The following NOTCH2 variants were observed in gnomAD, a reference collection of about 807,000 sequenced individuals.
NOTCH2 encodes the protein notch receptor 2.
A neutral mutation model predicts 235.8 loss-of-function variants in NOTCH2; 29 were observed. The observed-to-expected ratio is 0.12, with a 90% CI of 0.09 to 0.17. NOTCH2 has a LOEUF of 0.17. Among genes scored for constraint, NOTCH2 ranks in the 10% least tolerant of loss-of-function variants. NOTCH2 has a pLI of 1.00. For missense variants in NOTCH2, 2,285 were observed against 3,150.2 expected (o/e 0.73, Z 6.57); for synonymous variants, 1,086 against 1,141.5 (o/e 0.95, Z 0.98).
At position 119,918,603 on chromosome 1, in the gene NOTCH2, T is replaced by C. The variant is rs939265122; in HGVS notation, c.5782-50A>G. ...AGAGAGTCACCTGGATGAAGGAAAA[T>C]AATGAAACTCAGTGAAGAAACAAGG... is the stretch of plus-strand genomic sequence containing the variant. On this transcript the variant is annotated intron_variant, in intron 31 of 33. Transcript: ENST00000256646. 6 of 1,595,518 alleles carry C rather than the reference T, an allele frequency of 3.8e-6. No homozygotes were observed. The Admixed American group carries it at 1.0e-4, about 27-fold the overall frequency.
At chr1:119,982,036 C>G (rs1553201713) in intron 5 of NOTCH2, among the ~76,000 whole-genome samples, 3 of 152,064 alleles carry the variant, frequency 2.0e-5, no homozygotes, top group Non-Finnish European at 4.4e-5. Flanking sequence ...ACAGGAAGAT[C>G]TAGCTCAAAA....
chr1:119,923,891 A>C lies in NOTCH2; in HGVS notation c.4605T>G (p.Ala1535=). 1 of 1,614,226 alleles carries C rather than the reference A, an allele frequency of 6.2e-7. No individual in the cohort carries two copies. The highest frequency in any genetic ancestry group is 8.5e-7 in the Non-Finnish European group (1 of 1,180,050). Residue 1535 remains alanine (A), a synonymous_variant, in exon 26 of 34, where the codon GCT becomes GCG. Coordinates refer to ENST00000256646, the MANE Select transcript of NOTCH2 (RefSeq NM_024408.4). The part of the protein sequence containing the change: ...EECGWDGLDC[A]ADQPENLAEG... The stretch of plus-strand genomic sequence containing the variant: ...CTGCCAGGTTCTCAGGTTGGTCAGC[A>C]GCACAGTCCAGCCCATCCCAACCAC...
At chr1:119,932,175 G>A (rs1446135455) in intron 22 of NOTCH2, among the ~76,000 whole-genome samples, 1 of 152,026 alleles carries the variant, frequency 6.6e-6, no homozygotes, top group Non-Finnish European at 1.5e-5. Flanking sequence ...TTCTATTTCT[G>A]AAAATTTATT....
chr1:119,971,270 T>C (rs1651348964), intron 5 of NOTCH2, among the ~76,000 whole-genome samples: 1 of 152,242 alleles, frequency 6.6e-6, no homozygotes, highest in Non-Finnish European at 1.5e-5. Context: ...GATGGGTATG[T>C]GGATGTCTCC....
rs757669019 is a variant in NOTCH2, at chr1:119,920,386, C to G, written c.5322G>C (p.Glu1774Asp). ...GGTCATCTTCTTCTGAGAGTAAGGC[C>G]TCATCTTCAGCCTGAAAGGTGAAAA... ...PQPKKVKAEDEALLSEEDDPI... is the reference protein window; with the variant it reads ...PQPKKVKAEDDALLSEEDDPI... Residue 1774 changes from glutamate (E) to aspartate (D), a missense_variant, in exon 30 of 34, where the codon GAG becomes GAC. Around this residue, in one of 6 missense-constraint regions of NOTCH2, gnomAD observed 1,173 missense variants for 1,515.3 expected, o/e 0.77. Coordinates refer to ENST00000256646, the MANE Select transcript of NOTCH2 (RefSeq NM_024408.4). 6.2e-7 allele frequency: 1 copy of G among 1,614,158 alleles called. No homozygotes were observed. The highest frequency in any genetic ancestry group is 1.1e-5 in the South Asian group (1 of 91,082).
chr1:119,978,592 T>A (rs1365550168), intron 5 of NOTCH2, among the ~76,000 whole-genome samples: 6 of 152,186 alleles, frequency 3.9e-5, no homozygotes, highest in Non-Finnish European at 8.8e-5. Flanking sequence ...CTGAAAAGCA[T>A]CCAGGCTCAG....
chr1:119,923,889 G>C lies in NOTCH2; in HGVS notation c.4607C>G (p.Ala1536Gly). 6.2e-7 allele frequency: 1 copy of C among 1,614,168 alleles called. No homozygotes were observed. Among genetic ancestry groups the C allele is most frequent in the Non-Finnish European group, 8.5e-7 (1 of 1,180,026 alleles). ...TTCTGCCAGGTTCTCAGGTTGGTCA[G>C]CAGCACAGTCCAGCCCATCCCAACC... ...ECGWDGLDCA[A>G]DQPENLAEGT... Residue 1536 changes from alanine to glycine, a missense_variant, in exon 26 of 34, where the codon GCT becomes GGT. Around this residue, in one of 6 missense-constraint regions of NOTCH2, gnomAD observed 1,173 missense variants for 1,515.3 expected, o/e 0.77. Transcript: ENST00000256646.
At chr1:119,966,797 A>G (rs781882662) in intron 8 of NOTCH2, among the ~76,000 whole-genome samples, 3 of 152,188 alleles carry the variant, frequency 2.0e-5, no homozygotes, top group Non-Finnish European at 4.4e-5. Context: ...GGACTGTGGA[A>G]GGCCCAAAAT....
In NOTCH2 at chr1:119,918,283, G is replaced by T. The variant is rs587753188; in HGVS notation, c.5929+123C>A. The T allele has an allele frequency of 1.6e-4, 176 of 1,084,142 alleles. 1 individual carries two copies. In the African/African-American group the frequency reaches 2.4e-3, roughly 15 times the overall value. The allele number at this position is 1,084,142 out of a possible 1,614,324, so 67.2% of individuals were successfully genotyped here. ...ATGTTAAATAAATGCATGAATGAAA[G>T]AATGAGTGAATCTCTCACGTATTTG... On this transcript the variant is annotated intron_variant, in intron 32 of 33. Coordinates refer to ENST00000256646, the MANE Select transcript of NOTCH2 (RefSeq NM_024408.4).
At chr1:119,946,069 T>C (rs1553197014) in intron 17 of NOTCH2, among the ~76,000 whole-genome samples, 1 of 152,108 alleles carries the variant, frequency 6.6e-6, no homozygotes, top group Admixed American at 6.6e-5. Context: ...ATTGATGTTA[T>C]GTCAACAAAT....
At chr1:119,943,381 A>C (rs991753992) in intron 17 of NOTCH2, among the ~76,000 whole-genome samples, 2 of 152,148 alleles carry the variant, frequency 1.3e-5, no homozygotes, top group African/African-American at 4.8e-5. Flanking sequence ...TAATCCCTAG[A>C]GGTTTCACTG....
chr1:119,999,348 T>C (rs2101219322), intron 3 of NOTCH2, among the ~76,000 whole-genome samples: 1 of 145,828 alleles, frequency 6.9e-6, no homozygotes, highest in East Asian at 2.0e-4. Flanking sequence ...AGATGTGACA[T>C]ATGAGCACAG....
chr1:119,944,774 T>A (rs1198576727), intron 17 of NOTCH2, among the ~76,000 whole-genome samples: 1 of 152,108 alleles, frequency 6.6e-6, no homozygotes, highest in East Asian at 1.9e-4. Context: ...CTCCTCCCTG[T>A]GAAAATATCT....
intron 3 of NOTCH2, among the ~76,000 whole-genome samples, chr1:120,001,708 A>G (rs12092137): frequency 0.19 from 28,882 of 151,822 alleles, 2,915 homozygotes; most frequent in African/African-American, 0.36. Context: ...GGGTTTGCCT[A>G]TCCTGCATGC....
At chr1:119,977,486 C>A (rs1255757204) in intron 5 of NOTCH2, among the ~76,000 whole-genome samples, 3 of 152,188 alleles carry the variant, frequency 2.0e-5, no homozygotes, top group African/African-American at 7.2e-5. Context: ...CCTAAACACA[C>A]CAGCCCAGTC....
chr1:119,913,648 G>A lies in NOTCH2; in HGVS notation c.*1658C>T, dbSNP rs150473813. ...AAAAGAAAGTCAAAGAAATTGCCAA[G>A]AGCATGAATACAGAGAGTGGATTCA... On this transcript the variant is annotated 3_prime_UTR_variant, in exon 34 of 34. Transcript: ENST00000256646. The A allele has an allele frequency of 2.1e-5, 5 of 233,282 alleles. No individual in the cohort carries two copies. Among genetic ancestry groups the A allele is most frequent in the African/African-American group, 6.6e-5 (3 of 45,480 alleles). 14.5% of individuals were successfully genotyped at this position (233,282 alleles called of 1,614,324 possible). A position where few individuals can be genotyped will look rare whatever the true frequency, so the allele number is the denominator to read the frequency against.
rs747190078 is a variant in NOTCH2, at chr1:119,925,512, C to A, written c.4304G>T (p.Arg1435Leu). 2 of 1,614,140 alleles carry A rather than the reference C, an allele frequency of 1.2e-6. No individual in the cohort carries two copies. The highest frequency in any genetic ancestry group is 1.7e-6 in the Non-Finnish European group (2 of 1,180,034). ...GCAGGCCTCATCACAGACGCCATCCCGAGCTTTGTCGGCACAATACTGGCT... is the reference window on the plus strand; with the variant it reads ...GCAGGCCTCATCACAGACGCCATCCAGAGCTTTGTCGGCACAATACTGGCT... ...CLSQYCADKA[R>L]DGVCDEACNS... Residue 1435 changes from arginine to leucine, a missense_variant, in exon 25 of 34, where the codon CGG (arginine) becomes CTG (leucine). By Grantham distance (102) the Arg-to-Leu change is moderately radical (BLOSUM62 -2). Around this residue, in one of 6 missense-constraint regions of NOTCH2, gnomAD observed 1,173 missense variants for 1,515.3 expected, o/e 0.77. Coordinates refer to ENST00000256646, the MANE Select transcript of NOTCH2 (RefSeq NM_024408.4).
chr1:120,028,470 A>G (rs1653960556), intron 2 of NOTCH2, among the ~76,000 whole-genome samples: 1 of 152,172 alleles, frequency 6.6e-6, no homozygotes, highest in South Asian at 2.1e-4. Context: ...AGAAAAACTA[A>G]ATGAGCAGCC....
rs1650066619 is a variant in NOTCH2, at chr1:119,941,633, A to G, written c.2874T>C (p.Cys958=). The G allele has an allele frequency of 6.2e-7, 1 of 1,614,134 alleles. No homozygotes were observed. The highest frequency in any genetic ancestry group is 8.5e-7 in the Non-Finnish European group (1 of 1,179,988). Residue 958 remains cysteine, a synonymous_variant, in exon 18 of 34, where the codon TGT becomes TGC. Transcript: ENST00000256646. ...TDMNECLSEP[C]KNGGTCSDYV... ...AGTCAGAGCAGGTCCCTCCATTCTT[A>G]CAGGGTTCACTCAGACACTCATTCA...
Sources: gnomAD v4.1 joint callset for allele counts (sites outside exome capture counted in the v4.1 genomes callset) on GRCh38, gnomAD v4.1.1 for gene constraint, gnomAD v4.1.1 regional missense constraint, MANE v1.5 for transcripts, NCBI Gene and HGNC (gene_info 2026-07-23, HGNC 2026-07-21) for gene names.